CNOT9: variants seen among roughly 807,000 people sequenced by gnomAD.
CNOT9 encodes CCR4-NOT transcription complex subunit 9.
CNOT9 carries 8 observed loss-of-function variants against 37.4 expected under a neutral mutation model. The observed-to-expected ratio is 0.21, with a 90% CI of 0.13 to 0.39. The LOEUF is 0.39. CNOT9 is among the 10% of genes least tolerant of loss of function. CNOT9 has a pLI of 1.00. For synonymous variants in CNOT9, 120 were observed against 137.6 expected (o/e 0.87, Z 0.90); for missense variants, 154 against 365.3 (o/e 0.42, Z 4.71).
rs747552817 is a variant in CNOT9, at chr2:218,580,788, G to C, written c.204+48G>C. 7 of 1,520,588 alleles carry C rather than the reference G, an allele frequency of 4.6e-6. No individual in the cohort carries two copies. In the Admixed American group the frequency reaches 1.3e-4, roughly 28 times the overall value. 94.2% of individuals were successfully genotyped at this position (1,520,588 alleles called of 1,614,324 possible). The stretch of plus-strand genomic sequence containing the variant: ...CAGTTCAGTTCTTTTCATTACACTT[G>C]TATATTTCTTTACCTTTGCCCAAAT... On this transcript the variant is annotated intron_variant, in intron 2 of 7. Coordinates refer to ENST00000273064, the MANE Select transcript of CNOT9 (RefSeq NM_005444.3).
In CNOT9 at chr2:218,592,462, A is replaced by G. The variant is rs1347468604; in HGVS notation, c.639+60A>G. On this transcript the variant is annotated intron_variant, in intron 6 of 7. Coordinates refer to ENST00000273064, the MANE Select transcript of CNOT9 (RefSeq NM_005444.3). The surrounding 1 kb of genome is among the most constrained non-coding windows in gnomAD (Gnocchi z 4.1). ...TCTCATCACAAAGCTTAATCTCTTT[A>G]TAACTGGCATTGAACAACTTCAGTC... is the stretch of plus-strand genomic sequence containing the variant. The G allele has an allele frequency of 6.6e-7, 1 of 1,513,190 alleles. No homozygotes were observed. The highest frequency in any genetic ancestry group is 1.4e-5 in the African/African-American group (1 of 72,924). 93.7% of individuals were successfully genotyped at this position (1,513,190 alleles called of 1,614,324 possible).
intron 1 of CNOT9, among the ~76,000 whole-genome samples, chr2:218,573,487 T>C (rs1694067586): frequency 6.6e-6 from 1 of 152,234 alleles, no homozygotes; most frequent in Non-Finnish European, 1.5e-5. Context: ...TATTTCAGTC[T>C]GATTCCATTC....
chr2:218,581,077 G>A (rs1694356668), intron 2 of CNOT9: 1 of 478,934 alleles, frequency 2.1e-6, no homozygotes, highest in African/African-American at 2.0e-5. Context: ...TACATGACAG[G>A]GGGAGGAAGG....
intron 4 of CNOT9, among the ~76,000 whole-genome samples, chr2:218,585,437 G>A (rs1378450954): frequency 6.6e-6 from 1 of 151,466 alleles, no homozygotes; most frequent in Non-Finnish European, 1.5e-5. Context: ...GCCGGGCGTG[G>A]TGGCATGTGC....
intron 1 of CNOT9, chr2:218,574,020 A>G (rs1282245110): frequency 2.5e-5 from 11 of 433,086 alleles, no homozygotes; most frequent in Non-Finnish European, 4.6e-5. Context: ...CCCAGGCTGG[A>G]GTGCAGTGGT....
intron 2 of CNOT9, 24 bp downstream of exon 2, chr2:218,580,764 A>C (rs754721435): frequency 3.1e-6 from 5 of 1,598,246 alleles, no homozygotes; most frequent in South Asian, 1.1e-5. Context: ...CATGATTGGC[A>C]GTTCAGTTCT....
At position 218,592,565 on chromosome 2, in the gene CNOT9, TTGTGTTTTG is replaced by T. The variant is rs1694815464; in HGVS notation, c.640-42_640-34del. On this transcript the variant is annotated intron_variant, in intron 6 of 7. Transcript: ENST00000273064. The surrounding 1 kb of genome is among the most constrained non-coding windows in gnomAD (Gnocchi z 4.1). ...ATCTCTGATGTCAATTAGAATTTGT[TTGTGTTTTG>T]TGTGTTTTTTCCAACCCCTCCCCTT... is the stretch of plus-strand genomic sequence containing the variant. 1.3e-6 allele frequency: 2 copies of T among 1,571,312 alleles called. No individual in the cohort carries two copies. The highest frequency in any genetic ancestry group is 1.7e-4 in the Middle Eastern group (1 of 5,982).
intron 4 of CNOT9, among the ~76,000 whole-genome samples, chr2:218,586,365 G>T (rs1006584900): frequency 6.6e-6 from 1 of 152,170 alleles, no homozygotes; most frequent in Non-Finnish European, 1.5e-5. Context: ...AGACACCAAA[G>T]AGCTTGTGCT....
chr2:218,585,651 T>A (rs925467199), intron 4 of CNOT9, among the ~76,000 whole-genome samples: 20 of 151,674 alleles, frequency 1.3e-4, no homozygotes, highest in Middle Eastern at 3.4e-3. Flanking sequence ...TTTTTTTTTT[T>A]TTTTTGAGAC....
chr2:218,584,187 G>A (rs1694511355), intron 3 of CNOT9, among the ~76,000 whole-genome samples: 1 of 152,174 alleles, frequency 6.6e-6, no homozygotes, highest in Non-Finnish European at 1.5e-5. Context: ...TGATTACAGG[G>A]AAAATCATGT....
chr2:218,578,756 G>A (rs1694263539), intron 1 of CNOT9, among the ~76,000 whole-genome samples: 3 of 152,124 alleles, frequency 2.0e-5, no homozygotes, highest in Non-Finnish European at 2.9e-5. Context: ...TAGCAGTTTA[G>A]AGCTTAGGGG....
At chr2:218,578,702 T>TGA (rs1169249958) in intron 1 of CNOT9, among the ~76,000 whole-genome samples, 1 of 152,136 alleles carries the variant, frequency 6.6e-6, no homozygotes, top group Non-Finnish European at 1.5e-5. Context: ...GGCAATTACC[T>TGA]GAGAACATAT....
intron 5 of CNOT9, among the ~76,000 whole-genome samples, chr2:218,589,925 T>C (rs2106097153): frequency 6.6e-6 from 1 of 152,366 alleles, no homozygotes; most frequent in Middle Eastern, 3.4e-3. Flanking sequence ...ATGTGAAGTT[T>C]AAGAACAAGC....
rs141445632 is a variant in CNOT9, at chr2:218,584,702, C to T, written c.411C>T (p.Leu137=). Residue 137 remains leucine (L), a synonymous_variant, in exon 4 of 8, where the codon CTC becomes CTT. Transcript: ENST00000273064. The part of the protein sequence containing the change: ...SKTRPFEYLR[L]TSLGVIGALV... ...CACGTCCCTTTGAGTATCTCCGGCT[C>T]ACCAGCCTTGGAGTTATTGGTAAGT... is the stretch of plus-strand genomic sequence containing the variant. 4.3e-6 allele frequency: 7 copies of T among 1,611,598 alleles called. No individual in the cohort carries two copies. In the African/African-American group the frequency reaches 6.7e-5, roughly 15 times the overall value.
At chr2:218,593,993 G>A (rs775420774) in intron 7 of CNOT9, 115 bp from the exon 8 acceptor site, 9 of 1,116,844 alleles carry the variant, frequency 8.1e-6, no homozygotes, top group East Asian at 2.4e-5. Context: ...TTCTTAAGGA[G>A]CCATAGATTC....
rs1215019210 is a variant in CNOT9 at position 218,594,186 on chromosome 2, C to T, written c.810C>T (p.Thr270=). The T allele has an allele frequency of 1.9e-6, 3 of 1,614,224 alleles. No individual in the cohort carries two copies. In the East Asian group the frequency reaches 6.7e-5, roughly 36 times the overall value. The change falls in exon 8 of 8, where the codon ACC becomes ACT. Residue 270 remains threonine (T), a synonymous_variant. Transcript: ENST00000273064. ...TCGCCCAGGTGCTAAAAGATGACAC[C>T]ACCACGAAACGCTGGCTTGCACAAC... ...TTFAQVLKDD[T]TTKRWLAQLV...
chr2:218,580,765 G>A (rs778376738), intron 2 of CNOT9, 25 bp downstream of exon 2: 4 of 1,596,846 alleles, frequency 2.5e-6, no homozygotes, highest in South Asian at 1.1e-5. Flanking sequence ...ATGATTGGCA[G>A]TTCAGTTCTT....
chr2:218,585,862 A>C (rs1694577499), intron 4 of CNOT9, among the ~76,000 whole-genome samples: 1 of 151,870 alleles, frequency 6.6e-6, no homozygotes, highest in Non-Finnish European at 1.5e-5. Flanking sequence ...GGCTTGTCTC[A>C]AACTTCTGGG....
chr2:218,569,329 A>G (rs898314926), intron 1 of CNOT9, among the ~76,000 whole-genome samples: 1 of 152,200 alleles, frequency 6.6e-6, no homozygotes, highest in Non-Finnish European at 1.5e-5. Flanking sequence ...TCCATGGTCA[A>G]TCTGACGCGG....
Sources: allele counts gnomAD v4.1 joint callset (sites outside exome capture counted in the v4.1 genomes callset), GRCh38; gene constraint gnomAD v4.1.1; non-coding constraint Gnocchi (gnomAD v3.1); transcripts MANE v1.5; gene names NCBI Gene and HGNC (gene_info 2026-07-23, HGNC 2026-07-21).